Variants in DLAT observed in about 807,000 individuals in gnomAD.
DLAT encodes dihydrolipoyllysine-residue acetyltransferase component of pyruvate dehydrogenase complex, mitochondrial.
In DLAT, 43 loss-of-function variants were observed where a neutral mutation model predicts 68.0. That is an observed-to-expected ratio of 0.63 (90% CI 0.50 to 0.81). The LOEUF (loss-of-function observed/expected upper bound fraction) is 0.81, where lower values mean the gene tolerates loss of function less well. Ranked by LOEUF, DLAT falls within the 40% of genes least tolerant of loss-of-function variation. The probability of loss-of-function intolerance (pLI) is 0.00; values close to 1 mark genes in which losing one functional copy is unlikely to be tolerated. For missense variants in DLAT, 745 were observed against 815.4 expected (o/e 0.91, Z 1.05); for synonymous variants, 265 against 288.6 (o/e 0.92, Z 0.83).
chr11:112,053,875 C>T (rs587694147), intron 11 of DLAT, among the ~76,000 whole-genome samples: 2 of 152,118 alleles, frequency 1.3e-5, no homozygotes, highest in South Asian at 2.1e-4. Flanking sequence ...ACTGACTCCC[C>T]GTTAAAGAAC....
intron 9 of DLAT, among the ~76,000 whole-genome samples, chr11:112,045,513 C>T (rs587693734): frequency 6.6e-6 from 1 of 152,190 alleles, no homozygotes; most frequent in South Asian, 2.1e-4. Context: ...TAGTGAAACA[C>T]CCCGTCTCTA....
chr11:112,048,734 A>T (rs587715171), intron 10 of DLAT, among the ~76,000 whole-genome samples: 1 of 151,912 alleles, frequency 6.6e-6, no homozygotes, highest in East Asian at 1.9e-4. Context: ...GGATTTCACC[A>T]TGTTGGCCAG....
chr11:112,040,463 A>G (rs1177706523), intron 7 of DLAT, among the ~76,000 whole-genome samples: 2 of 152,108 alleles, frequency 1.3e-5, no homozygotes, highest in Non-Finnish European at 2.9e-5. Context: ...TCTTCACACT[A>G]CCCTATCCTG....
intron 10 of DLAT, among the ~76,000 whole-genome samples, chr11:112,048,645 TC>T (rs1221430108): frequency 8.5e-5 from 13 of 152,210 alleles, no homozygotes; most frequent in Admixed American, 8.5e-4. Context: ...GCAATTCTCG[TC>T]CCTCAGCCTC....
At chr11:112,033,073 A>G (rs1398696462) in intron 4 of DLAT, among the ~76,000 whole-genome samples, 1 of 152,210 alleles carries the variant, frequency 6.6e-6, no homozygotes, top group Non-Finnish European at 1.5e-5. Flanking sequence ...CAAAATAAAA[A>G]TAAAAATAAA....
chr11:112,030,147 A>C, intron 4 of DLAT: 1 of 681,798 alleles, frequency 1.5e-6, no homozygotes, highest in Non-Finnish European at 2.7e-6. Context: ...TCCACCCTAA[A>C]TCATGAAATC....
intron 6 of DLAT, among the ~76,000 whole-genome samples, chr11:112,038,664 G>A (rs1238738598): frequency 4.3e-4 from 65 of 150,850 alleles, no homozygotes; most frequent in Admixed American, 3.9e-3. Flanking sequence ...GGCCAACATG[G>A]TGAAACCCCA....
chr11:112,027,034 C>T (rs587681033), intron 2 of DLAT, among the ~76,000 whole-genome samples: 5 of 149,858 alleles, frequency 3.3e-5, no homozygotes, highest in African/African-American at 9.8e-5. Flanking sequence ...GCTGGCCTGG[C>T]GGGGGCTGAC....
At position 112,028,669 on chromosome 11, in the gene DLAT, T is replaced by A. The variant is rs781965971; in HGVS notation, c.506+30T>A. 1.9e-6 allele frequency: 3 copies of A among 1,614,058 alleles called. No individual in the cohort carries two copies. In the East Asian group the frequency reaches 6.7e-5, roughly 36 times the overall value. On this transcript the variant is annotated intron_variant, in intron 3 of 13. Coordinates refer to ENST00000280346, the MANE Select transcript of DLAT (RefSeq NM_001931.5). ...GTAGTGCGCTCATAATTTGTGGAACTTCATTGCTTGGTGGAGTATTTTACC... is the reference window on the plus strand; with the variant it reads ...GTAGTGCGCTCATAATTTGTGGAACATCATTGCTTGGTGGAGTATTTTACC...
intron 9 of DLAT, 128 bp downstream of exon 9, chr11:112,045,358 G>C (rs1555181386): frequency 2.4e-6 from 2 of 848,002 alleles, no homozygotes; most frequent in African/African-American, 3.3e-5. Context: ...TACTTTAAGG[G>C]AAGTTTTGGC....
chr11:112,043,862 A>G (rs1863167496), intron 8 of DLAT, among the ~76,000 whole-genome samples: 1 of 152,202 alleles, frequency 6.6e-6, no homozygotes, highest in Non-Finnish European at 1.5e-5. Flanking sequence ...TAGTTGTTAT[A>G]TTTTATTGCT....
At chr11:112,060,884 G>T (rs587626454) in intron 12 of DLAT, among the ~76,000 whole-genome samples, 154 bp from the exon 13 acceptor site, 1 of 152,252 alleles carries the variant, frequency 6.6e-6, no homozygotes, top group South Asian at 2.1e-4. Flanking sequence ...TGTTCATATT[G>T]TAATGGTTGT....
chr11:112,052,366 C>T (rs1428384137), intron 11 of DLAT, among the ~76,000 whole-genome samples: 1 of 151,764 alleles, frequency 6.6e-6, no homozygotes, highest in African/African-American at 2.4e-5. Context: ...CAAGACTGCC[C>T]TCACTTCAGA....
intron 11 of DLAT, among the ~76,000 whole-genome samples, chr11:112,055,619 C>A (rs1256768953): frequency 6.6e-6 from 1 of 152,050 alleles, no homozygotes. Flanking sequence ...TGTTACTGAA[C>A]ATACCTTTCA....
intron 1 of DLAT, 21 bp downstream of exon 1, chr11:112,025,772 C>T: frequency 5.0e-6 from 8 of 1,612,518 alleles, no homozygotes; most frequent in African/African-American, 1.3e-5. Flanking sequence ...GACCCCCCTT[C>T]TCGGGACCCC....
At chr11:112,053,602 G>A (rs1180033234) in intron 11 of DLAT, among the ~76,000 whole-genome samples, 8 of 151,656 alleles carry the variant, frequency 5.3e-5, no homozygotes, top group Non-Finnish European at 5.9e-5. Context: ...ACAGGCATGC[G>A]CCACCACTCC....
intron 4 of DLAT, among the ~76,000 whole-genome samples, chr11:112,031,363 G>A (rs2137715289): frequency 6.6e-6 from 1 of 152,188 alleles, no homozygotes; most frequent in East Asian, 1.9e-4. Context: ...GATATTATTG[G>A]GGTGGAAATG....
At chr11:112,046,797 C>G (rs1233282342) in intron 10 of DLAT, among the ~76,000 whole-genome samples, 1 of 150,338 alleles carries the variant, frequency 6.7e-6, no homozygotes, top group East Asian at 1.9e-4. Flanking sequence ...GACACAAACT[C>G]ATCCTTTTTT....
At chr11:112,056,387 T>C (rs1864080405) in intron 11 of DLAT, among the ~76,000 whole-genome samples, 1 of 152,218 alleles carries the variant, frequency 6.6e-6, no homozygotes, top group Non-Finnish European at 1.5e-5. Flanking sequence ...TTATAGTGCT[T>C]GAGTCTATAG....
Sources: gnomAD v4.1 joint callset for allele counts (sites outside exome capture counted in the v4.1 genomes callset) on GRCh38, gnomAD v4.1.1 for gene constraint, MANE v1.5 for transcripts, NCBI Gene and HGNC (gene_info 2026-07-23, HGNC 2026-07-21) for gene names.